ASPRV1: variants seen among roughly 807,000 people sequenced by gnomAD.
The protein encoded by ASPRV1 is retroviral-like aspartic protease 1.
A neutral mutation model predicts 11.0 loss-of-function variants in ASPRV1; 7 were observed. The ratio of observed to expected loss-of-function variants is 0.64; its 90% CI spans 0.36 to 1.20. The LOEUF is 1.20. Ranked by LOEUF, ASPRV1 falls within the 50% of genes most tolerant of loss-of-function variation. The pLI, the probability that ASPRV1 is intolerant of heterozygous loss-of-function variation, is 0.02. For missense variants in ASPRV1, 299 were observed against 320.0 expected (o/e 0.93, Z 0.50); for synonymous variants, 136 against 138.4 (o/e 0.98, Z 0.12).
chr2:69,936,105 G>T, the ASPRV1 span, among the ~76,000 whole-genome samples: 1 of 151,674 alleles, frequency 6.6e-6, no homozygotes, highest in Non-Finnish European at 1.5e-5. Flanking sequence ...CCTCTGCTTG[G>T]TACACTTTCC....
chr2:70,006,346 C>A, the ASPRV1 span, among the ~76,000 whole-genome samples: 1 of 152,122 alleles, frequency 6.6e-6, no homozygotes, highest in South Asian at 2.1e-4. Context: ...GTGGGGCCCC[C>A]TACGGTTAGG....
At chr2:69,996,862 G>A in the ASPRV1 span, 1 of 340,404 alleles carries the variant, frequency 2.9e-6, no homozygotes, top group South Asian at 2.2e-5. Flanking sequence ...AAGCACCTCT[G>A]TCAAGGAGTG....
the ASPRV1 span, among the ~76,000 whole-genome samples, chr2:70,019,558 A>C: frequency 1.3e-5 from 2 of 152,336 alleles, no homozygotes; most frequent in Non-Finnish European, 2.9e-5. Context: ...TGGTACATAT[A>C]CACAATGGAG....
At chr2:70,030,213 A>C in the ASPRV1 span, 1 of 152,240 alleles carries the variant, frequency 6.6e-6, no homozygotes, top group Non-Finnish European at 1.5e-5. Flanking sequence ...ACACTCCCCT[A>C]TCTCAGGGAA....
At chr2:70,039,571 C>T in the ASPRV1 span, among the ~76,000 whole-genome samples, 1 of 152,174 alleles carries the variant, frequency 6.6e-6, no homozygotes, top group African/African-American at 2.4e-5. Flanking sequence ...CAGTGATTTA[C>T]ACAAACAGCC....
the ASPRV1 span, chr2:69,996,874 G>T: frequency 3.2e-6 from 1 of 317,046 alleles, no homozygotes; most frequent in Non-Finnish European, 6.4e-6. Context: ...CAAGGAGTGT[G>T]GAAAATTCTG....
the ASPRV1 span, among the ~76,000 whole-genome samples, chr2:70,039,106 A>G: frequency 2.0e-5 from 3 of 151,924 alleles, no homozygotes; most frequent in Non-Finnish European, 2.9e-5. Context: ...CAAAGCCAAC[A>G]TATGTGGGTG....
chr2:69,951,373 G>A, the ASPRV1 span, among the ~76,000 whole-genome samples: 8 of 145,536 alleles, frequency 5.5e-5, 1 homozygote, highest in African/African-American at 2.1e-4. Context: ...GCAGTGAGCC[G>A]AGATCACGCC....
the ASPRV1 span, among the ~76,000 whole-genome samples, chr2:69,974,955 T>G: frequency 6.6e-6 from 1 of 152,220 alleles, no homozygotes; most frequent in Non-Finnish European, 1.5e-5. Flanking sequence ...GTCAACTAGC[T>G]TCCCTGCAAC....
the ASPRV1 span, chr2:69,937,478 A>C: frequency 7.5e-7 from 1 of 1,333,462 alleles, no homozygotes; most frequent in Non-Finnish European, 1.0e-6. Flanking sequence ...CAGGAGGCAG[A>C]GTGTAAGAAG....
the ASPRV1 span, among the ~76,000 whole-genome samples, chr2:70,038,511 T>C: frequency 4.1e-4 from 63 of 152,182 alleles, no homozygotes; most frequent in African/African-American, 1.5e-3. Flanking sequence ...GGCCAAGAGT[T>C]TGAGGTTACA....
the ASPRV1 span, among the ~76,000 whole-genome samples, chr2:69,951,553 TATC>T: frequency 6.7e-6 from 1 of 148,934 alleles, no homozygotes; most frequent in Admixed American, 6.7e-5. Flanking sequence ...TACACATACA[TATC>T]ATATATATAT....
At chr2:70,000,323 A>T in the ASPRV1 span, among the ~76,000 whole-genome samples, 1 of 144,074 alleles carries the variant, frequency 6.9e-6, no homozygotes, top group African/African-American at 2.8e-5. Context: ...ATCTCCAAAA[A>T]AAAAAAAAAA....
At chr2:69,995,736 G>A in the ASPRV1 span, among the ~76,000 whole-genome samples, 2 of 152,174 alleles carry the variant, frequency 1.3e-5, no homozygotes, top group East Asian at 3.9e-4. Flanking sequence ...TTGTCCCAAG[G>A]TGGGAAGAGC....
the ASPRV1 span, among the ~76,000 whole-genome samples, chr2:70,000,767 C>CA: frequency 2.1e-5 from 2 of 95,866 alleles, no homozygotes; most frequent in African/African-American, 8.5e-5. Flanking sequence ...CCAGCCTGGG[C>CA]AACAGAGCAA....
the ASPRV1 span, among the ~76,000 whole-genome samples, chr2:70,057,573 G>A: frequency 6.6e-6 from 1 of 151,938 alleles, no homozygotes; most frequent in Non-Finnish European, 1.5e-5. Context: ...CCGCCTCCCA[G>A]GTTCCAGCAA....
chr2:70,075,347 C>CAAAAA, the ASPRV1 span: 3 of 55,512 alleles, frequency 5.4e-5, no homozygotes, highest in African/African-American at 1.0e-4. Flanking sequence ...GACAACATCT[C>CAAAAA]AAAAAAAAAA....
chr2:70,079,384 G>A, the ASPRV1 span, among the ~76,000 whole-genome samples: 1 of 152,006 alleles, frequency 6.6e-6, no homozygotes, highest in Non-Finnish European at 1.5e-5. Context: ...GGGGAGGGAG[G>A]ATTTCTTGAG....
At chr2:70,015,544 A>G in the ASPRV1 span, 2 of 152,260 alleles carry the variant, frequency 1.3e-5, no homozygotes, top group Non-Finnish European at 2.9e-5. Flanking sequence ...TTTGTTACAC[A>G]CAGAGGTACT....
Sources: gnomAD v4.1 joint callset for allele counts (sites outside exome capture counted in the v4.1 genomes callset) on GRCh38, gnomAD v4.1.1 for gene constraint, MANE v1.5 for transcripts, NCBI Gene and HGNC (gene_info 2026-07-23, HGNC 2026-07-21) for gene names.